OXR1: variants seen among roughly 807,000 people sequenced by gnomAD.
The protein encoded by OXR1 is oxidation resistance protein 1.
OXR1 carries 41 observed loss-of-function variants against 104.6 expected under a neutral mutation model. The ratio of observed to expected loss-of-function variants is 0.39; its 90% confidence interval spans 0.31 to 0.51. OXR1 has a LOEUF of 0.51. OXR1 is among the 20% of genes least tolerant of loss of function. The pLI, the probability that OXR1 is intolerant of heterozygous loss-of-function variation, is 0.77. For synonymous variants in OXR1, 348 were observed against 348.4 expected, an observed-to-expected ratio of 1.00 and a Z score of 0.01; for missense variants, 955 against 1,031.9, an observed-to-expected ratio of 0.93 and a Z score of 1.02.
At chr8:106,498,728 C>T (rs922063078) in intron 2 of OXR1, among the ~76,000 whole-genome samples, 5 of 152,100 alleles carry the variant, frequency 3.3e-5, no homozygotes, top group African/African-American at 1.2e-4. Flanking sequence ...TCTGGGCACT[C>T]ATTGCAGTAT....
rs1409179275 is a variant in OXR1 at position 106,519,558 on chromosome 8, G to A, written c.220+419G>A. ...GCTCCCAGGTCTCTGAACCTGTTCC[G>A]TCAGGTTGTTAAGACTGTGGTTGAC... On this transcript the variant is annotated intron_variant, in intron 3 of 16. Transcript: ENST00000517566. Among the ~76,000 whole-genome samples, 5 of 151,908 alleles carry A rather than the reference G, an allele frequency of 3.3e-5. No homozygotes were observed. In the East Asian group the frequency reaches 9.6e-4, roughly 29 times the overall value.
chr8:106,584,260 G>C (rs1818461434), intron 3 of OXR1, among the ~76,000 whole-genome samples: 1 of 151,754 alleles, frequency 6.6e-6, no homozygotes, highest in Non-Finnish European at 1.5e-5. Flanking sequence ...GCCAGTCATG[G>C]AACTCCATCA....
intron 3 of OXR1, among the ~76,000 whole-genome samples, chr8:106,597,689 C>G (rs748036036): frequency 6.6e-6 from 1 of 152,138 alleles, no homozygotes; most frequent in Non-Finnish European, 1.5e-5. Flanking sequence ...TTTCCATATT[C>G]TAGGTGAAAA....
chr8:106,676,854 T>C (rs1001982484), intron 3 of OXR1, among the ~76,000 whole-genome samples: 17 of 152,208 alleles, frequency 1.1e-4, no homozygotes, highest in African/African-American at 4.1e-4. Context: ...TTTTATAATA[T>C]GTAATTATTG....
At chr8:106,314,546 T>C (rs1813846841) in intron 1 of OXR1, among the ~76,000 whole-genome samples, 2 of 152,210 alleles carry the variant, frequency 1.3e-5, no homozygotes, top group African/African-American at 4.8e-5. Context: ...CTCAGTAACA[T>C]TTAAAATATT....
intron 7 of OXR1, chr8:106,697,456 T>A (rs1830155607): frequency 6.3e-7 from 1 of 1,576,274 alleles, no homozygotes; most frequent in East Asian, 2.2e-5. Context: ...CAGTAGCCAG[T>A]CATGCCTGCC....
intron 12 of OXR1, among the ~76,000 whole-genome samples, chr8:106,738,722 T>C (rs895735570): frequency 6.7e-6 from 1 of 149,336 alleles, no homozygotes; most frequent in African/African-American, 2.5e-5. Flanking sequence ...AACATTCTTA[T>C]CGTTTTAAGA....
At chr8:106,743,132 T>C (rs1835064720) in intron 15 of OXR1, among the ~76,000 whole-genome samples, 1 of 152,104 alleles carries the variant, frequency 6.6e-6, no homozygotes, top group African/African-American at 2.4e-5. Context: ...GCAAAGACAC[T>C]TTTCAAAAGA....
intron 3 of OXR1, among the ~76,000 whole-genome samples, chr8:106,626,044 TTGTG>T (rs59554916): frequency 2.2e-4 from 33 of 148,410 alleles, no homozygotes; most frequent in South Asian, 1.1e-3. Flanking sequence ...GTTCTGCGTT[TTGTG>T]TGTGTGTGTG....
At chr8:106,584,121 G>A (rs537090838) in intron 3 of OXR1, among the ~76,000 whole-genome samples, 18 of 112,600 alleles carry the variant, frequency 1.6e-4, no homozygotes, top group Non-Finnish European at 3.0e-4. Flanking sequence ...GGGATATTCA[G>A]GAAACAAATT....
chr8:106,359,238 C>T (rs558297426), intron 1 of OXR1, among the ~76,000 whole-genome samples: 14 of 151,928 alleles, frequency 9.2e-5, no homozygotes, highest in African/African-American at 1.5e-4. Context: ...TTCTCTACTC[C>T]GGGGATTTAA....
intron 2 of OXR1, among the ~76,000 whole-genome samples, chr8:106,488,825 A>G (rs974337578): frequency 7.1e-4 from 107 of 150,280 alleles, no homozygotes; most frequent in Non-Finnish European, 1.3e-3. Flanking sequence ...TGGTTACTGT[A>G]GCCTTGTAGT....
chr8:106,498,802 A>G (rs1043009367), intron 2 of OXR1, among the ~76,000 whole-genome samples: 4 of 152,218 alleles, frequency 2.6e-5, no homozygotes, highest in African/African-American at 9.7e-5. Flanking sequence ...TTTATGTGCC[A>G]TTAGTTCATC....
chr8:106,620,001 A>G (rs1821565150), intron 3 of OXR1, among the ~76,000 whole-genome samples: 1 of 152,034 alleles, frequency 6.6e-6, no homozygotes, highest in South Asian at 2.1e-4. Flanking sequence ...GACATCTACA[A>G]GTGGATCTGC....
At chr8:106,447,948 A>G in intron 2 of OXR1, 7 of 1,534,892 alleles carry the variant, frequency 4.6e-6, no homozygotes, top group Non-Finnish European at 6.1e-6. Flanking sequence ...TACGGGGCTC[A>G]CAGGTAACAG....
At chr8:106,694,537 A>G (rs1193383371) in intron 7 of OXR1, among the ~76,000 whole-genome samples, 1 of 131,706 alleles carries the variant, frequency 7.6e-6, no homozygotes, top group Non-Finnish European at 1.6e-5. Flanking sequence ...ATGTTTATAT[A>G]TATTTGATAT....
At chr8:106,696,834 C>T (rs532668748) in intron 7 of OXR1, among the ~76,000 whole-genome samples, 1 of 152,194 alleles carries the variant, frequency 6.6e-6, no homozygotes, top group Non-Finnish European at 1.5e-5. Flanking sequence ...TCACCCCACC[C>T]CTTAGCCACA....
Position 106,274,596 on chromosome 8 carries a change from C to T in OXR1, c.-139+4229C>T, listed in dbSNP as rs573754503. On this transcript the variant is annotated intron_variant, in intron 1 of 16. Transcript: ENST00000517566. ...GCTAAGACTCTGGGGCACCCAGCAACGCCACCCCCCCCCCGACCCCGCCCT... is the reference window on the plus strand; with the variant it reads ...GCTAAGACTCTGGGGCACCCAGCAATGCCACCCCCCCCCCGACCCCGCCCT... Among the ~76,000 whole-genome samples the T allele has an allele frequency of 7.1e-5, 7 of 98,836 alleles. No individual in the cohort carries two copies. The East Asian group carries it at 1.1e-3, about 16-fold the overall frequency. The allele number at this position is 98,836 out of a possible 152,430, so 64.8% of individuals were successfully genotyped here.
chr8:106,475,955 A>G (rs1821785067), intron 2 of OXR1, among the ~76,000 whole-genome samples: 2 of 151,260 alleles, frequency 1.3e-5, no homozygotes, highest in Admixed American at 1.3e-4. Flanking sequence ...TAAATTCTAT[A>G]GAGTTGTGCA....
Sources: gnomAD v4.1 joint callset for allele counts (sites outside exome capture counted in the v4.1 genomes callset) on GRCh38, gnomAD v4.1.1 for gene constraint, MANE v1.5 for transcripts, NCBI Gene and HGNC (gene_info 2026-07-23, HGNC 2026-07-21) for gene names.